PDE8A: variants seen among roughly 807,000 people sequenced by gnomAD.
The protein encoded by PDE8A is high affinity cAMP-specific and IBMX-insensitive 3',5'-cyclic phosphodiesterase 8A.
A neutral mutation model predicts 105.0 loss-of-function variants in PDE8A; 59 were observed. That is an observed-to-expected ratio of 0.56 (90% CI 0.46 to 0.70). PDE8A has a LOEUF of 0.70. PDE8A is among the 30% of genes least tolerant of loss of function. The pLI is 0.00. For missense variants in PDE8A, 1,014 were observed against 1,045.9 expected (o/e 0.97, Z 0.42); for synonymous variants, 355 against 371.9 (o/e 0.95, Z 0.52).
At chr15:85,040,381 A>G (rs1236451661) in intron 1 of PDE8A, among the ~76,000 whole-genome samples, 1 of 150,832 alleles carries the variant, frequency 6.6e-6, no homozygotes, top group East Asian at 1.9e-4. Flanking sequence ...AAAAAAAAAA[A>G]AAAAAAAAAG....
At chr15:85,019,210 T>C (rs1014426234) in intron 1 of PDE8A, among the ~76,000 whole-genome samples, 8 of 152,118 alleles carry the variant, frequency 5.3e-5, no homozygotes, top group African/African-American at 1.9e-4. Context: ...ATGGATGATA[T>C]TAAGAGGTTA....
Position 85,116,051 on chromosome 15 carries a change from T to G in PDE8A, c.1467T>G (p.Ala489=). 6.2e-7 allele frequency: 1 copy of G among 1,613,658 alleles called. No individual in the cohort carries two copies. Among genetic ancestry groups the G allele is most frequent in the Non-Finnish European group, 8.5e-7 (1 of 1,179,630 alleles). The change falls in exon 16 of 22, where the codon GCT becomes GCG. Residue 489 remains alanine (A), a synonymous_variant. Transcript: ENST00000394553. The stretch of plus-strand genomic sequence containing the variant: ...TTGATGATGTCCCACCACGGATAGC[T>G]CGGGCCATGGAAAATGAGGAATACT... ...ISLDDVPPRI[A]RAMENEEYWD... is the part of the protein sequence containing the mutation.
chr15:84,981,379 G>C (rs566256928), upstream of PDE8A, among the ~76,000 whole-genome samples: 9 of 152,204 alleles, frequency 5.9e-5, no homozygotes, highest in South Asian at 1.5e-3. Context: ...ACCCGGCCCG[G>C]ATCACGGAGC....
At chr15:85,000,498 G>C (rs1349084023) in intron 1 of PDE8A, among the ~76,000 whole-genome samples, 8 of 152,164 alleles carry the variant, frequency 5.3e-5, no homozygotes, top group Admixed American at 5.2e-4. Flanking sequence ...TTGTTTATAG[G>C]GCTAGCTTTG....
chr15:85,062,058 A>G lies in PDE8A; in HGVS notation c.187-2312A>G, dbSNP rs540967731. 4.6e-5 allele frequency among the ~76,000 whole-genome samples: 7 copies of G among 152,248 alleles called. No homozygotes were observed. The South Asian group carries it at 1.2e-3, about 27-fold the overall frequency. ...TCTTTTAGCATCTTGAAGTTGTTGT[A>G]AAGTCTTTGTCTAGTAGATCTGCCA... is the stretch of plus-strand genomic sequence containing the variant. On this transcript the variant is annotated intron_variant, in intron 1 of 21. Transcript: ENST00000394553.
Position 84,982,017 on chromosome 15 carries a change from G to C in PDE8A, c.-146G>C. On this transcript the variant is annotated 5_prime_UTR_variant, in exon 1 of 22. Transcript: ENST00000394553. ...CCGCACCGCGATAAAAGGGGCGGCC[G>C]CGTTTCCTGACGCGAGATCCGCGCT... is the stretch of plus-strand genomic sequence containing the variant. The C allele has an allele frequency of 2.7e-6, 1 of 364,266 alleles. No individual in the cohort carries two copies. The highest frequency in any genetic ancestry group is 4.6e-6 in the Non-Finnish European group (1 of 218,206). 22.6% of individuals were successfully genotyped at this position (364,266 alleles called of 1,614,324 possible). A position where few individuals can be genotyped will look rare whatever the true frequency, so the allele number is the denominator to read the frequency against.
chr15:85,040,263 C>G (rs980613650), intron 1 of PDE8A, among the ~76,000 whole-genome samples: 3 of 149,370 alleles, frequency 2.0e-5, no homozygotes, highest in African/African-American at 7.4e-5. Flanking sequence ...GGCAATATAG[C>G]AAGACCTCTT....
chr15:85,049,408 C>T (rs948577478), intron 1 of PDE8A, among the ~76,000 whole-genome samples: 1 of 152,160 alleles, frequency 6.6e-6, no homozygotes, highest in Non-Finnish European at 1.5e-5. Context: ...TATATTTTGA[C>T]TACTCCAAGT....
In PDE8A at chr15:85,120,875, A is replaced by G. The variant is rs1311448180; in HGVS notation, c.1813A>G (p.Asn605Asp). 2 of 1,614,108 alleles carry G rather than the reference A, an allele frequency of 1.2e-6. No homozygotes were observed. The highest frequency in any genetic ancestry group is 1.7e-6 in the Non-Finnish European group (2 of 1,179,920). The change falls in exon 18 of 22, where the codon AAC becomes GAC. Residue 605 changes from asparagine (N) to aspartate (D), a missense_variant. Transcript: ENST00000394553. ...TGATGTGGATCACCCTGGGAGAACC[A>G]ACTCCTTCCTGTGTAATGCTGGAAG... ...IHDVDHPGRT[N>D]SFLCNAGSEL...
chr15:85,109,048 T>G lies in PDE8A; in HGVS notation c.1037-5T>G, dbSNP rs770100908. ...GAAGAGGTGATTTATCATTTGTTTC[T>G]ACAGATAATCAGACAGGCAAACATA... is the stretch of plus-strand genomic sequence containing the variant. On this transcript the variant is annotated splice_polypyrimidine_tract_variant and splice_region_variant and intron_variant, in intron 11 of 21. Coordinates refer to ENST00000394553, the MANE Select transcript of PDE8A (RefSeq NM_002605.3). The G allele has an allele frequency of 1.9e-6, 3 of 1,591,272 alleles. No individual in the cohort carries two copies. Among genetic ancestry groups the G allele is most frequent in the Non-Finnish European group, 1.7e-6 (2 of 1,160,160 alleles).
At position 85,113,427 on chromosome 15, in the gene PDE8A, A is replaced by G; in HGVS notation, c.1165A>G (p.Ile389Val). The change falls in exon 13 of 22, where the codon ATT (isoleucine) becomes GTT (valine). Residue 389 changes from isoleucine to valine, a missense_variant. Transcript: ENST00000394553. ...SSMARIHSMT[I>V]EAPITKVINI... ...CATGGCCCGGATACATTCCATGACA[A>G]TTGAGGCGCCCATCACCAAGGTGAA... 1 of 1,614,048 alleles carries G rather than the reference A, an allele frequency of 6.2e-7. No homozygotes were observed. The highest frequency in any genetic ancestry group is 1.1e-5 in the South Asian group (1 of 91,080).
chr15:85,054,604 G>T (rs1262132539), intron 1 of PDE8A, among the ~76,000 whole-genome samples: 1 of 152,192 alleles, frequency 6.6e-6, no homozygotes, highest in Non-Finnish European at 1.5e-5. Context: ...TATTTGTGTA[G>T]AGGTGTTTAT....
At chr15:85,113,314 C>T in intron 12 of PDE8A, 63 bp from the exon 13 acceptor site, 2 of 1,356,500 alleles carry the variant, frequency 1.5e-6, no homozygotes, top group South Asian at 1.2e-5. Flanking sequence ...ACTGAGCCCT[C>T]TGCTGTCAAG....
intron 1 of PDE8A, among the ~76,000 whole-genome samples, chr15:85,061,334 A>C (rs2081141865): frequency 6.6e-6 from 1 of 152,002 alleles, no homozygotes; most frequent in Non-Finnish European, 1.5e-5. Flanking sequence ...CCCAGGTTCA[A>C]GCAATTCTCC....
At position 85,123,130 on chromosome 15, in the gene PDE8A, T is replaced by C; in HGVS notation, c.2022T>C (p.Phe674=). Residue 674 remains phenylalanine, a synonymous_variant, in exon 19 of 22, where the codon TTT becomes TTC. Coordinates refer to ENST00000394553, the MANE Select transcript of PDE8A (RefSeq NM_002605.3). ...MVLATEMTKH[F]EHVNKFVNSI... is the part of the protein sequence containing the mutation. ...TAGCCACAGAAATGACAAAGCACTT[T>C]GAGCATGTCAACAAATTTGTCAACA... The C allele has an allele frequency of 6.2e-7, 1 of 1,614,002 alleles. No individual in the cohort carries two copies. Among genetic ancestry groups the C allele is most frequent in the Non-Finnish European group, 8.5e-7 (1 of 1,179,888 alleles).
intron 12 of PDE8A, among the ~76,000 whole-genome samples, chr15:85,112,535 A>G (rs1596530783): frequency 6.6e-6 from 1 of 152,210 alleles, no homozygotes; most frequent in African/African-American, 2.4e-5. Context: ...AATTTTAAGA[A>G]GTTTAGTTGG....
At chr15:85,099,406 C>T (rs903168121) in intron 9 of PDE8A, among the ~76,000 whole-genome samples, 3 of 152,216 alleles carry the variant, frequency 2.0e-5, no homozygotes, top group Non-Finnish European at 2.9e-5. Context: ...TGTGTGGGTT[C>T]TCTGTTCTGA....
intron 1 of PDE8A, among the ~76,000 whole-genome samples, chr15:85,015,518 G>A (rs981395026): frequency 6.6e-6 from 1 of 152,124 alleles, no homozygotes; most frequent in Non-Finnish European, 1.5e-5. Flanking sequence ...TTTGCTAGGT[G>A]TTGTTCAATT....
At chr15:85,121,268 A>AG (rs1330564121) in intron 18 of PDE8A, among the ~76,000 whole-genome samples, 1 of 151,490 alleles carries the variant, frequency 6.6e-6, no homozygotes, top group Non-Finnish European at 1.5e-5. Context: ...GAAAAAAAAA[A>AG]TTAGCCAGGC....
Sources: allele counts gnomAD v4.1 joint callset (sites outside exome capture counted in the v4.1 genomes callset), GRCh38; gene constraint gnomAD v4.1.1; transcripts MANE v1.5; gene names NCBI Gene and HGNC (gene_info 2026-07-23, HGNC 2026-07-21).